Variants in KCNA2 observed in about 807,000 individuals in gnomAD.
The protein encoded by KCNA2 is potassium voltage-gated channel subfamily A member 2.
KCNA2 carries 11 observed loss-of-function variants against 33.4 expected under a neutral mutation model. That is an observed-to-expected ratio of 0.33 (90% confidence interval 0.21 to 0.55). The LOEUF (loss-of-function observed/expected upper bound fraction) is 0.55. Ranked by LOEUF, KCNA2 falls within the 20% of genes least tolerant of loss-of-function variation. KCNA2 has a pLI of 0.93. For missense variants in KCNA2, 291 were observed against 621.6 expected, an observed-to-expected ratio of 0.47 and a Z score of 5.66; for synonymous variants, 222 against 231.3, an observed-to-expected ratio of 0.96 and a Z score of 0.37.
At chr1:110,620,045 A>AGCGAGT (rs2101455332) in intron 1 of KCNA2, among the ~76,000 whole-genome samples, 2 of 124,600 alleles carry the variant, frequency 1.6e-5, no homozygotes, top group Non-Finnish European at 3.3e-5. Flanking sequence ...AGAGAGAGAG[A>AGCGAGT]GCGAGAGCGA....
At chr1:110,607,471 G>T, upstream of KCNA2, 1 of 152,142 alleles carries the variant, frequency 6.6e-6, no homozygotes, top group South Asian at 1.9e-4. Context: ...GGGGCCGGCG[G>T]GGGCCGGGGC....
At chr1:110,619,751 T>C (rs1444508757) in intron 1 of KCNA2, among the ~76,000 whole-genome samples, 1 of 152,238 alleles carries the variant, frequency 6.6e-6, no homozygotes, top group Admixed American at 6.5e-5. Context: ...GCCACCTATT[T>C]GTTAAGCCCT....
In KCNA2 at chr1:110,600,554, G is replaced by A. The variant is rs1649295984; in HGVS notation, c.*2729C>T. The A allele has an allele frequency of 1.0e-6, 1 of 985,244 alleles. No homozygotes were observed. Among genetic ancestry groups the A allele is most frequent in the Non-Finnish European group, 1.2e-6 (1 of 829,886 alleles). 61.0% of individuals were successfully genotyped at this position (985,244 alleles called of 1,614,324 possible). On this transcript the variant is annotated 3_prime_UTR_variant, in exon 3 of 3. Transcript: ENST00000316361. ...TCTGTCTGTATTTTGCACGTTACAT[G>A]TTTTATGTTTGTGTGTGACAACAGT... is the stretch of plus-strand genomic sequence containing the variant.
At chr1:110,629,782 C>T (rs1398280944) in intron 1 of KCNA2, among the ~76,000 whole-genome samples, 2 of 152,078 alleles carry the variant, frequency 1.3e-5, no homozygotes, top group South Asian at 2.1e-4. Flanking sequence ...TAGTAACAGA[C>T]AGAAATGTAT....
intron 1 of KCNA2, among the ~76,000 whole-genome samples, chr1:110,620,073 AGAGAGAGAGAGAGAGTGAGT>A (rs1650207716): frequency 1.4e-5 from 2 of 145,178 alleles, no homozygotes; most frequent in Non-Finnish European, 3.0e-5. Context: ...AGAGAGAGAG[AGAGAGAGAGAGAGAGTGAGT>A]GAGAGAGAGA....
intron 1 of KCNA2, among the ~76,000 whole-genome samples, chr1:110,624,726 G>A (rs577903441): frequency 5.3e-5 from 8 of 152,282 alleles, no homozygotes; most frequent in East Asian, 3.9e-4. Context: ...ATTGTGTTGC[G>A]AGTGGATTTT....
chr1:110,602,087 G>T lies in KCNA2; in HGVS notation c.*1196C>A. On this transcript the variant is annotated 3_prime_UTR_variant, in exon 3 of 3. Transcript: ENST00000316361. ...ACTGTACAGTCATGCCCGCGACTAG[G>T]TTAATTCCTAAGGTGCAGTCATGTG... 6.4e-7 allele frequency: 1 copy of T among 1,550,504 alleles called. No individual in the cohort carries two copies. Among genetic ancestry groups the T allele is most frequent in the Non-Finnish European group, 8.7e-7 (1 of 1,146,972 alleles).
rs1649118831 is a variant in KCNA2, at chr1:110,596,869, G to C, written c.*6414C>G. 6 of 985,426 alleles carry C rather than the reference G, an allele frequency of 6.1e-6. No homozygotes were observed. The highest frequency in any genetic ancestry group is 7.2e-6 in the Non-Finnish European group (6 of 829,936). 61.0% of individuals were successfully genotyped at this position (985,426 alleles called of 1,614,324 possible). A position where few individuals can be genotyped will look rare whatever the true frequency, so the allele number is the denominator to read the frequency against. Reference sequence around the variant, plus strand: ...AGGTAGATCAAAAAAGGATGGAATGGGACCCTGGGGTTGCCAGCCTTCCCT... The same window carrying C: ...AGGTAGATCAAAAAAGGATGGAATGCGACCCTGGGGTTGCCAGCCTTCCCT... On this transcript the variant is annotated 3_prime_UTR_variant, in exon 3 of 3. Transcript: ENST00000316361.
chr1:110,611,473 A>C (rs1487004121), intron 1 of KCNA2, among the ~76,000 whole-genome samples: 1 of 152,244 alleles, frequency 6.6e-6, no homozygotes, highest in Non-Finnish European at 1.5e-5. Context: ...TCATGCCTAT[A>C]ATCCCAGTAA....
At chr1:110,611,335 C>T (rs184377849), upstream of KCNA2, among the ~76,000 whole-genome samples, 73 of 152,362 alleles carry the variant, frequency 4.8e-4, no homozygotes, top group East Asian at 0.012. Flanking sequence ...AGATTAACTT[C>T]AGCTGCCTCT....
At chr1:110,625,934 A>G (rs1164142229) in intron 1 of KCNA2, among the ~76,000 whole-genome samples, 2 of 152,192 alleles carry the variant, frequency 1.3e-5, no homozygotes, top group Non-Finnish European at 2.9e-5. Context: ...CAAAAATTCA[A>G]AAGTTTAGCC....
rs1649493531 is a variant in KCNA2, at chr1:110,604,231, T to C, written c.552A>G (p.Thr184=). ...LISIVSFCLE[T]LPIFRDENED... is the part of the protein sequence containing the mutation. ...CATTCTCATCCCGGAAGATGGGCAA[T>C]GTTTCCAGACAGAAGCTGACAATTG... is the stretch of plus-strand genomic sequence containing the variant. Residue 184 remains threonine, a synonymous_variant, in exon 3 of 3, where the codon ACA becomes ACG. Coordinates refer to ENST00000316361, the MANE Select transcript of KCNA2 (RefSeq NM_004974.4). The surrounding 1 kb of genome is among the most constrained non-coding windows in gnomAD (Gnocchi z 7.6). The C allele has an allele frequency of 1.2e-6, 2 of 1,614,020 alleles. No individual in the cohort carries two copies. Among genetic ancestry groups the C allele is most frequent in the Non-Finnish European group, 1.7e-6 (2 of 1,180,034 alleles).
rs1649044478 is a variant in KCNA2, at chr1:110,595,188, T to G, written c.*8095A>C. The G allele has an allele frequency of 1.3e-5, 13 of 985,400 alleles. No homozygotes were observed. Among genetic ancestry groups the G allele is most frequent in the Non-Finnish European group, 1.6e-5 (13 of 829,938 alleles). 61.0% of individuals were successfully genotyped at this position (985,400 alleles called of 1,614,324 possible). A position where few individuals can be genotyped will look rare whatever the true frequency, so the allele number is the denominator to read the frequency against. ...TAGATGTTGCAGTAGCTGTCCACAT[T>G]ATTACATAATCATGCCCTGTGCATC... On this transcript the variant is annotated 3_prime_UTR_variant, in exon 3 of 3. Transcript: ENST00000316361.
rs1470866724 is a variant in KCNA2 at position 110,601,806 on chromosome 1, G to C, written c.*1477C>G. 5.1e-5 allele frequency: 64 copies of C among 1,259,180 alleles called. No individual in the cohort carries two copies. The highest frequency in any genetic ancestry group is 6.0e-5 in the Non-Finnish European group (60 of 1,003,510). 78.0% of individuals were successfully genotyped at this position (1,259,180 alleles called of 1,614,324 possible). ...TATATATATATATATGTGTGTGTGT[G>C]TGTGTGTGTGTGTGTGTGTGTGTAT... On this transcript the variant is annotated 3_prime_UTR_variant, in exon 3 of 3. Transcript: ENST00000316361.
Position 110,593,974 on chromosome 1 carries a change from C to T in KCNA2, c.*9309G>A, listed in dbSNP as rs752739497. The T allele has an allele frequency of 3.9e-6, 6 of 1,548,756 alleles. No individual in the cohort carries two copies. The highest frequency in any genetic ancestry group is 8.7e-7 in the Non-Finnish European group (1 of 1,146,250). Reference sequence around the variant, plus strand: ...CAAATAGTTAAATGACTCCCAACTCCCATGAGTCTTCCCCGCAAGTCCTGC... The same window carrying T: ...CAAATAGTTAAATGACTCCCAACTCTCATGAGTCTTCCCCGCAAGTCCTGC... On this transcript the variant is annotated 3_prime_UTR_variant, in exon 3 of 3. Coordinates refer to ENST00000316361, the MANE Select transcript of KCNA2 (RefSeq NM_004974.4).
chr1:110,594,634 G>C lies in KCNA2; in HGVS notation c.*8649C>G. On this transcript the variant is annotated 3_prime_UTR_variant, in exon 3 of 3. Coordinates refer to ENST00000316361, the MANE Select transcript of KCNA2 (RefSeq NM_004974.4). ...GATCATGGGACTTTCCAGCTTCCTG[G>C]GGCCCTTCAAATGAAGGAACCATCC... The C allele has an allele frequency of 2.0e-6, 2 of 985,286 alleles. No individual in the cohort carries two copies. Among genetic ancestry groups the C allele is most frequent in the Non-Finnish European group, 2.4e-6 (2 of 829,906 alleles). 61.0% of individuals were successfully genotyped at this position (985,286 alleles called of 1,614,324 possible).
In KCNA2 at chr1:110,602,688, C is replaced by A; in HGVS notation, c.*595G>T. ...TCACATCGACACTGCAGAGAAAAAG[C>A]AGAATGCAGCATTTTCCGTTATGAA... is the stretch of plus-strand genomic sequence containing the variant. On this transcript the variant is annotated 3_prime_UTR_variant, in exon 3 of 3. Coordinates refer to ENST00000316361, the MANE Select transcript of KCNA2 (RefSeq NM_004974.4). The A allele has an allele frequency of 3.0e-6, 3 of 993,240 alleles. No homozygotes were observed. Among genetic ancestry groups the A allele is most frequent in the Non-Finnish European group, 3.6e-6 (3 of 835,090 alleles). 61.5% of individuals were successfully genotyped at this position (993,240 alleles called of 1,614,324 possible).
rs1412167421 is a variant in KCNA2 at position 110,596,352 on chromosome 1, C to T, written c.*6931G>A. 103 of 322,380 alleles carry T rather than the reference C, an allele frequency of 3.2e-4. No homozygotes were observed. The highest frequency in any genetic ancestry group is 4.8e-4 in the South Asian group (4 of 8,254). The allele number at this position is 322,380 out of a possible 1,614,324, so 20.0% of individuals were successfully genotyped here. ...TACATATACTATATATATATATATA[C>T]ACACATAAATATATGTATATATGGA... On this transcript the variant is annotated 3_prime_UTR_variant, in exon 3 of 3. Transcript: ENST00000316361.
chr1:110,615,868 C>G (rs1650032590), intron 1 of KCNA2, among the ~76,000 whole-genome samples: 1 of 152,200 alleles, frequency 6.6e-6, no homozygotes, highest in Non-Finnish European at 1.5e-5. Flanking sequence ...TCCTGTCCCT[C>G]TCACACTCGC....
Sources: gnomAD v4.1 joint callset for allele counts (sites outside exome capture counted in the v4.1 genomes callset) on GRCh38, gnomAD v4.1.1 for gene constraint, Gnocchi (gnomAD v3.1) non-coding constraint, MANE v1.5 for transcripts, NCBI Gene and HGNC (gene_info 2026-07-23, HGNC 2026-07-21) for gene names.